SHISA6: variants seen among roughly 807,000 people sequenced by gnomAD.
The protein encoded by SHISA6 is shisa family member 6.
Under a neutral mutation model 47.9 loss-of-function variants are expected in SHISA6, and 22 were observed. The ratio of observed to expected loss-of-function variants is 0.46; its 90% CI spans 0.33 to 0.66. The LOEUF is 0.66. Among genes scored for constraint, SHISA6 ranks in the 30% least tolerant of loss-of-function variants. The probability of loss-of-function intolerance (pLI) is 0.02; values close to 1 mark genes in which losing one functional copy is unlikely to be tolerated. For missense variants in SHISA6, 680 were observed against 764.6 expected (o/e 0.89, Z 1.30); for synonymous variants, 388 against 337.8 (o/e 1.15, Z -1.63).
At chr17:11,485,231 G>A (rs1916317886) in intron 3 of SHISA6, among the ~76,000 whole-genome samples, 1 of 152,094 alleles carries the variant, frequency 6.6e-6, no homozygotes, top group African/African-American at 2.4e-5. Context: ...CAGAGAAGGA[G>A]TTAGGACTGA....
intron 2 of SHISA6, among the ~76,000 whole-genome samples, chr17:11,317,368 T>C (rs1416378839): frequency 2.0e-5 from 3 of 150,680 alleles, no homozygotes; most frequent in East Asian, 3.9e-4. Flanking sequence ...GTTTTGATGC[T>C]TTTTTTTTGC....
At chr17:11,287,024 CAT>C (rs945756209) in intron 2 of SHISA6, among the ~76,000 whole-genome samples, 46 of 152,242 alleles carry the variant, frequency 3.0e-4, no homozygotes, top group Admixed American at 1.8e-3. Context: ...AGTTTTTTCC[CAT>C]GTTTTTTACT....
chr17:11,499,550 AG>A (rs2071433836), intron 3 of SHISA6, among the ~76,000 whole-genome samples: 3 of 152,244 alleles, frequency 2.0e-5, no homozygotes, highest in African/African-American at 7.2e-5. Context: ...TTTATGCTAA[AG>A]TGTTAATGGA....
chr17:11,267,587 C>T (rs1908473341), intron 2 of SHISA6, among the ~76,000 whole-genome samples: 1 of 152,178 alleles, frequency 6.6e-6, no homozygotes, highest in Non-Finnish European at 1.5e-5. Context: ...CCACGTGGTT[C>T]TCCTGTCCAG....
At chr17:11,322,271 A>T (rs995111549) in intron 2 of SHISA6, among the ~76,000 whole-genome samples, 3 of 152,156 alleles carry the variant, frequency 2.0e-5, no homozygotes, top group African/African-American at 4.8e-5. Flanking sequence ...AAAAAGAAAA[A>T]AAGAGTTTTT....
At chr17:11,361,679 A>C (rs1023819940) in intron 2 of SHISA6, among the ~76,000 whole-genome samples, 2 of 152,230 alleles carry the variant, frequency 1.3e-5, no homozygotes, top group African/African-American at 4.8e-5. Flanking sequence ...AAACATGAAC[A>C]TTCCAGGGCT....
chr17:11,422,067 C>A (rs1186540383), intron 3 of SHISA6, among the ~76,000 whole-genome samples: 1 of 152,184 alleles, frequency 6.6e-6, no homozygotes, highest in Non-Finnish European at 1.5e-5. Flanking sequence ...CTCTCTTGCA[C>A]TTTTGGGTTT....
At chr17:11,515,365 GGA>G (rs2071577481) in intron 3 of SHISA6, among the ~76,000 whole-genome samples, 1 of 145,338 alleles carries the variant, frequency 6.9e-6, no homozygotes, top group African/African-American at 2.5e-5. Flanking sequence ...AGGAAGGAAG[GGA>G]GAGAAAATGC....
chr17:11,422,173 T>C (rs1462032100), intron 3 of SHISA6, among the ~76,000 whole-genome samples: 1 of 152,028 alleles, frequency 6.6e-6, no homozygotes, highest in Non-Finnish European at 1.5e-5. Context: ...GCTGAGCATG[T>C]GATGAAAGCA....
chr17:11,490,102 G>A (rs557788539), intron 3 of SHISA6, among the ~76,000 whole-genome samples: 1 of 152,246 alleles, frequency 6.6e-6, no homozygotes, highest in African/African-American at 2.4e-5. Flanking sequence ...AAGAGTCAGG[G>A]GAGAAGGACA....
At chr17:11,531,875 T>C (rs370899540) in intron 3 of SHISA6, among the ~76,000 whole-genome samples, 3 of 152,172 alleles carry the variant, frequency 2.0e-5, no homozygotes, top group East Asian at 3.9e-4. Context: ...ATATATGAGG[T>C]GATGGATAGG....
chr17:11,484,744 A>G (rs1267655151), intron 3 of SHISA6, among the ~76,000 whole-genome samples: 1 of 152,208 alleles, frequency 6.6e-6, no homozygotes, highest in Non-Finnish European at 1.5e-5. Context: ...AATTTCTAGG[A>G]AACTATCATC....
intron 3 of SHISA6, among the ~76,000 whole-genome samples, chr17:11,543,904 T>C (rs1329838232): frequency 8.4e-6 from 1 of 118,906 alleles, no homozygotes; most frequent in Admixed American, 8.8e-5. Context: ...ATTGGATATT[T>C]ATAAGCAAAA....
intron 3 of SHISA6, among the ~76,000 whole-genome samples, chr17:11,401,167 G>T (rs111583157): frequency 0.037 from 5,676 of 152,146 alleles, 310 homozygotes; most frequent in African/African-American, 0.12. Flanking sequence ...CTGGACACTT[G>T]GCCTTATTCC....
intron 3 of SHISA6, among the ~76,000 whole-genome samples, chr17:11,437,037 A>G (rs1269649491): frequency 6.6e-6 from 1 of 152,148 alleles, no homozygotes; most frequent in Non-Finnish European, 1.5e-5. Context: ...GATGAGGGAG[A>G]GACATGGGTG....
At chr17:11,303,211 G>A (rs1296142524) in intron 2 of SHISA6, among the ~76,000 whole-genome samples, 1 of 152,154 alleles carries the variant, frequency 6.6e-6, no homozygotes, top group Non-Finnish European at 1.5e-5. Context: ...GGTTTTGTGT[G>A]TGTGTGTGTG....
intron 3 of SHISA6, among the ~76,000 whole-genome samples, chr17:11,505,336 T>C (rs1375566229): frequency 2.0e-5 from 3 of 152,220 alleles, no homozygotes; most frequent in Non-Finnish European, 4.4e-5. Context: ...CTTGGGTTCA[T>C]GGATGGGTTC....
intron 2 of SHISA6, among the ~76,000 whole-genome samples, chr17:11,266,194 C>T (rs913200802): frequency 6.6e-6 from 1 of 152,150 alleles, no homozygotes; most frequent in Admixed American, 6.5e-5. Flanking sequence ...GTAATTTTGC[C>T]ACTCATCAAA....
At chr17:11,403,091 C>T (rs1317497380) in intron 3 of SHISA6, among the ~76,000 whole-genome samples, 2 of 152,194 alleles carry the variant, frequency 1.3e-5, no homozygotes, top group Non-Finnish European at 2.9e-5. Context: ...TGAAAGACCA[C>T]ATTTCTTGGA....
Sources: allele counts gnomAD v4.1 joint callset (sites outside exome capture counted in the v4.1 genomes callset), GRCh38; gene constraint gnomAD v4.1.1; transcripts MANE v1.5; gene names NCBI Gene and HGNC (gene_info 2026-07-23, HGNC 2026-07-21).